PLCB4: variants seen among roughly 807,000 people sequenced by gnomAD.
PLCB4 encodes the protein phospholipase C beta 4.
In PLCB4, 77 loss-of-function variants were observed where a neutral mutation model predicts 178.8. The ratio of observed to expected loss-of-function variants is 0.43; its 90% CI spans 0.36 to 0.52. The LOEUF is 0.52. PLCB4 is among the 20% of genes least tolerant of loss of function. The probability of loss-of-function intolerance (pLI) is 0.00; values close to 1 mark genes in which losing one functional copy is unlikely to be tolerated. For missense variants in PLCB4, 1,024 were observed against 1,453.4 expected (o/e 0.70, Z 4.80); for synonymous variants, 496 against 490.8 (o/e 1.01, Z -0.14).
chr20:9,215,462 G>A (rs1486916071), intron 2 of PLCB4, among the ~76,000 whole-genome samples: 1 of 152,032 alleles, frequency 6.6e-6, no homozygotes, highest in East Asian at 1.9e-4. Flanking sequence ...GAGTTTTTAT[G>A]TGGATTATAA....
intron 15 of PLCB4, among the ~76,000 whole-genome samples, chr20:9,389,375 G>A (rs1448147789): frequency 2.0e-5 from 3 of 152,070 alleles, no homozygotes; most frequent in Non-Finnish European, 4.4e-5. Context: ...GTACACAGAG[G>A]TCTACATCAA....
intron 3 of PLCB4, among the ~76,000 whole-genome samples, chr20:9,243,140 T>C (rs1378419527): frequency 6.6e-6 from 1 of 152,154 alleles, no homozygotes; most frequent in Admixed American, 6.5e-5. Context: ...ATGTTCTGTA[T>C]TTTACCTGGC....
intron 3 of PLCB4, among the ~76,000 whole-genome samples, chr20:9,290,616 G>A (rs945722644): frequency 6.6e-6 from 1 of 152,176 alleles, no homozygotes; most frequent in Admixed American, 6.6e-5. Context: ...TCTTGAAAGT[G>A]TGCTTTGATA....
At chr20:9,323,681 C>G (rs1056714088) in intron 4 of PLCB4, among the ~76,000 whole-genome samples, 3 of 152,208 alleles carry the variant, frequency 2.0e-5, no homozygotes, top group African/African-American at 7.2e-5. Context: ...AATCTCCCTT[C>G]AAGAGACAGC....
At chr20:9,275,957 A>G (rs1300518512) in intron 3 of PLCB4, among the ~76,000 whole-genome samples, 1 of 151,992 alleles carries the variant, frequency 6.6e-6, no homozygotes, top group Non-Finnish European at 1.5e-5. Flanking sequence ...CTGATTTCAG[A>G]GCTTATACTT....
chr20:9,383,667 A>T (rs1281915077), intron 13 of PLCB4, among the ~76,000 whole-genome samples: 1 of 152,238 alleles, frequency 6.6e-6, no homozygotes, highest in Non-Finnish European at 1.5e-5. Context: ...TGAATTGTTT[A>T]AACTCAGAAG....
intron 4 of PLCB4, among the ~76,000 whole-genome samples, 168 bp downstream of exon 4, chr20:9,308,066 A>G (rs1218545976): frequency 6.6e-6 from 1 of 152,174 alleles, no homozygotes; most frequent in Non-Finnish European, 1.5e-5. Flanking sequence ...AATGATAATG[A>G]TACTATAAAT....
At chr20:9,457,322 T>C (rs915926974) in intron 33 of PLCB4, 92 bp from the exon 34 acceptor site, 3 of 738,978 alleles carry the variant, frequency 4.1e-6, no homozygotes, top group African/African-American at 3.5e-5. Context: ...TTGATGAATA[T>C]ATTATCTTCA....
intron 13 of PLCB4, 33 bp from the exon 14 acceptor site, chr20:9,384,168 A>G (rs1217409426): frequency 3.4e-6 from 5 of 1,478,900 alleles, no homozygotes; most frequent in Non-Finnish European, 2.8e-6. Context: ...CTTCAGAGCT[A>G]CAAGTGCTAC....
chr20:9,401,076 C>T (rs1003715482), intron 19 of PLCB4, among the ~76,000 whole-genome samples: 18 of 152,082 alleles, frequency 1.2e-4, no homozygotes, highest in South Asian at 2.1e-4. Flanking sequence ...CAAAATTATC[C>T]GATGTATTTG....
chr20:9,251,352 G>A (rs2094178248), intron 3 of PLCB4, among the ~76,000 whole-genome samples: 1 of 152,170 alleles, frequency 6.6e-6, no homozygotes, highest in Admixed American at 6.5e-5. Context: ...TTGTGAAAGG[G>A]AATCTGCATT....
chr20:9,308,350 C>A (rs1022436833), intron 4 of PLCB4, among the ~76,000 whole-genome samples: 16 of 152,296 alleles, frequency 1.1e-4, no homozygotes, highest in Non-Finnish European at 2.1e-4. Context: ...CAAAGCTTTG[C>A]ATGCCTCTGA....
At chr20:9,120,490 C>T (rs1408116536) in intron 2 of PLCB4, among the ~76,000 whole-genome samples, 1 of 152,100 alleles carries the variant, frequency 6.6e-6, no homozygotes, top group Non-Finnish European at 1.5e-5. Flanking sequence ...ATCTTGCCAT[C>T]TCCCCTTCTC....
At chr20:9,456,452 G>C (rs188744541) in intron 33 of PLCB4, among the ~76,000 whole-genome samples, 1 of 152,154 alleles carries the variant, frequency 6.6e-6, no homozygotes, top group Non-Finnish European at 1.5e-5. Context: ...AAATTATTTT[G>C]CATAGCCCGA....
At chr20:9,363,211 C>T (rs567989620) in intron 8 of PLCB4, among the ~76,000 whole-genome samples, 1 of 152,336 alleles carries the variant, frequency 6.6e-6, no homozygotes, top group East Asian at 1.9e-4. Context: ...TCAAAGGACA[C>T]TGGAACCTCA....
chr20:9,384,478 T>C, intron 14 of PLCB4, 67 bp downstream of exon 14: 3 of 1,108,976 alleles, frequency 2.7e-6, no homozygotes, highest in Non-Finnish European at 4.1e-6. Context: ...TACTTTTCTC[T>C]GAAAAACAGG....
chr20:9,456,999 G>T (rs1367892892), intron 33 of PLCB4, among the ~76,000 whole-genome samples: 1 of 152,102 alleles, frequency 6.6e-6, no homozygotes, highest in African/African-American at 2.4e-5. Flanking sequence ...TCCTTCACTG[G>T]CATATTTAAA....
intron 2 of PLCB4, among the ~76,000 whole-genome samples, chr20:9,210,502 A>C (rs1407645900): frequency 2.6e-5 from 4 of 152,090 alleles, no homozygotes; most frequent in Non-Finnish European, 5.9e-5. Flanking sequence ...GGCTGGGTGG[A>C]AGTGCTCTGG....
chr20:9,278,027 C>G (rs749971558), intron 3 of PLCB4, among the ~76,000 whole-genome samples: 1 of 152,020 alleles, frequency 6.6e-6, no homozygotes, highest in Non-Finnish European at 1.5e-5. Context: ...TCAATTAAAT[C>G]TCACAAGCCA....
Sources: gnomAD v4.1 joint callset for allele counts (sites outside exome capture counted in the v4.1 genomes callset) on GRCh38, gnomAD v4.1.1 for gene constraint, MANE v1.5 for transcripts, NCBI Gene and HGNC (gene_info 2026-07-23, HGNC 2026-07-21) for gene names.